IFNLR1: variants seen among roughly 807,000 people sequenced by gnomAD.
IFNLR1 encodes the protein interferon lambda receptor 1.
IFNLR1 carries 28 observed loss-of-function variants against 52.5 expected under a neutral mutation model. The ratio of observed to expected loss-of-function variants is 0.53; its 90% confidence interval spans 0.40 to 0.73. The LOEUF is 0.73. IFNLR1 is among the 30% of genes least tolerant of loss of function. The pLI is 0.00. For synonymous variants in IFNLR1, 276 were observed against 274.9 expected (o/e 1.00, Z -0.04); for missense variants, 623 against 659.1 (o/e 0.95, Z 0.60).
rs755178790 is a variant in IFNLR1, at chr1:24,157,653, G to A, written c.1040C>T (p.Pro347Leu). ...CTGGTGCTCTTGCCCCAGGAAAGAA[G>A]GTGGTTCAATGTAGGGCTGGAAGCT... ...GVSFQPYIEP[P>L]SFLGQEHQAP... The change falls in exon 7 of 7, where the codon CCT becomes CTT. Residue 347 changes from proline (P) to leucine (L), a missense_variant. Coordinates refer to ENST00000327535, the MANE Select transcript of IFNLR1 (RefSeq NM_170743.4). This position sits in a 1 kb window ranked among gnomAD's most constrained non-coding sequence, Gnocchi z 5.1. 6 of 1,609,884 alleles carry A rather than the reference G, an allele frequency of 3.7e-6. No homozygotes were observed. Among genetic ancestry groups the A allele is most frequent in the Non-Finnish European group, 5.1e-6 (6 of 1,177,960 alleles).
rs1327882136 is a variant in IFNLR1, at chr1:24,169,410, G to C, written c.367+7C>G. 1 of 1,612,392 alleles carries C rather than the reference G, an allele frequency of 6.2e-7. No homozygotes were observed. Among genetic ancestry groups the C allele is most frequent in the Non-Finnish European group, 8.5e-7 (1 of 1,179,004 alleles). On this transcript the variant is annotated splice_region_variant and intron_variant, in intron 3 of 6. Coordinates refer to ENST00000327535, the MANE Select transcript of IFNLR1 (RefSeq NM_170743.4). ...CCTTCCACTCAGTCCCTTACCCACA[G>C]ACCTACCTTCAAAAAGGTAATCCAG...
Position 24,162,778 on chromosome 1 carries a change from TTTTC to T in IFNLR1, c.368-1098_368-1095del, listed in dbSNP as rs1218853054. Among the ~76,000 whole-genome samples the T allele has an allele frequency of 7.5e-3, 255 of 33,986 alleles. 12 individuals are homozygous for T. The highest frequency in any genetic ancestry group is 0.014 in the Admixed American group (43 of 3,018). The allele number at this position is 33,986 out of a possible 152,430, so 22.3% of individuals were successfully genotyped here. A position where few individuals can be genotyped will look rare whatever the true frequency, so the allele number is the denominator to read the frequency against. On this transcript the variant is annotated intron_variant, in intron 3 of 6. Coordinates refer to ENST00000327535, the MANE Select transcript of IFNLR1 (RefSeq NM_170743.4). ...TTTCTTTCTTTCTTTCTTTCTTTCT[TTTTC>T]TTTCTTTTTCTTTCTTTCTTTTTTC...
At position 24,159,071 on chromosome 1, in the gene IFNLR1, G is replaced by C; in HGVS notation, c.782C>G (p.Ala261Gly). The change falls in exon 6 of 7, where the codon GCA becomes GGA. Residue 261 changes from alanine (A) to glycine (G), a missense_variant. By Grantham distance (60) the Ala-to-Gly change is moderately conservative. Transcript: ENST00000327535. ...CTATACCAGGGCCCGTGGCATCTTTGCCCGCTGAAACCAGGGGTTCCCCAT... is the reference window on the plus strand; with the variant it reads ...CTATACCAGGGCCCGTGGCATCTTTCCCCGCTGAAACCAGGGGTTCCCCAT... ...TLMGNPWFQR[A>G]KMPRALDFSG... is the part of the protein sequence containing the mutation. The C allele has an allele frequency of 6.2e-7, 1 of 1,614,024 alleles. No individual in the cohort carries two copies. Among genetic ancestry groups the C allele is most frequent in the Non-Finnish European group, 8.5e-7 (1 of 1,180,010 alleles).
chr1:24,159,764 G>A, intron 4 of IFNLR1, 131 bp from the exon 5 acceptor site: 1 of 650,998 alleles, frequency 1.5e-6, no homozygotes, highest in Non-Finnish European at 2.3e-6. Flanking sequence ...TTTTGTAGGG[G>A]ATAGGGTTTG....
rs974020339 is a variant in IFNLR1 at position 24,187,286 on chromosome 1, C to CCCCGCCT, written c.-39_-38insAGGCGGG. On this transcript the variant is annotated 5_prime_UTR_variant, in exon 1 of 7. Transcript: ENST00000327535. ...GCGGCGTCCCCGCCCGGGCCCAGGT[C>CCCCGCCT]CCCGCCTCCCGCCTCCCGCCTCCCG... The CCCCGCCT allele has an allele frequency of 6.9e-5, 85 of 1,225,126 alleles. No homozygotes were observed. Among genetic ancestry groups the CCCCGCCT allele is most frequent in the East Asian group, 6.7e-4 (21 of 31,372 alleles). 75.9% of individuals were successfully genotyped at this position (1,225,126 alleles called of 1,614,324 possible).
rs560647135 is a variant in IFNLR1, at chr1:24,179,682, T to C, written c.182+1049A>G. ...CCTCTGAGCTCAATCCCCTCACCTC[T>C]AGAATGGGGAAAACACAGAGCCTGC... On this transcript the variant is annotated intron_variant, in intron 2 of 6. Coordinates refer to ENST00000327535, the MANE Select transcript of IFNLR1 (RefSeq NM_170743.4). Among the ~76,000 whole-genome samples, 14 of 152,226 alleles carry C rather than the reference T, an allele frequency of 9.2e-5. No homozygotes were observed. In the South Asian group the frequency reaches 1.2e-3, roughly 14 times the overall value.
chr1:24,157,499 C>T lies in IFNLR1; in HGVS notation c.1194G>A (p.Trp398Ter), dbSNP rs1644394274. The change falls in exon 7 of 7, where the codon TGG (tryptophan) becomes TGA (stop). Residue 398 changes from tryptophan to a stop codon, truncating the protein, a stop_gained. Transcript: ENST00000327535. LOFTEE classifies it high-confidence loss of function. The surrounding 1 kb of genome is among the most constrained non-coding windows in gnomAD (Gnocchi z 5.1). ...AATAGCCAGAGGACCCAGCCCTGTC[C>T]CAGGAGGAGTCCACAGTGCTGGCCC... ...RSWASTVDSS[W>*]DRAGSSGYLA... The T allele has an allele frequency of 1.2e-6, 2 of 1,612,554 alleles. No individual in the cohort carries two copies. Among genetic ancestry groups the T allele is most frequent in the East Asian group, 2.2e-5 (1 of 44,874 alleles).
chr1:24,162,770 TTCTTTCTTTTTC>T (rs1557643883), intron 3 of IFNLR1, among the ~76,000 whole-genome samples: 4 of 41,886 alleles, frequency 9.5e-5, no homozygotes, highest in Non-Finnish European at 1.9e-4. Flanking sequence ...CTTTCTTTCT[TTCTTTCTTTTTC>T]TTTCTTTTTC....
chr1:24,182,336 G>T (rs1455492533), intron 1 of IFNLR1, among the ~76,000 whole-genome samples: 2 of 152,132 alleles, frequency 1.3e-5, no homozygotes, highest in Middle Eastern at 3.2e-3. Flanking sequence ...GCGATCAAAA[G>T]CCCTTGTCCC....
rs541291619 is a variant in IFNLR1, at chr1:24,162,961, T to C, written c.368-1277A>G. Among the ~76,000 whole-genome samples the C allele has an allele frequency of 1.7e-4, 19 of 113,526 alleles. 1 individual carries two copies. Among genetic ancestry groups the C allele is most frequent in the African/African-American group, 6.4e-4 (19 of 29,856 alleles). The allele number at this position is 113,526 out of a possible 152,430, so 74.5% of individuals were successfully genotyped here. On this transcript the variant is annotated intron_variant, in intron 3 of 6. Coordinates refer to ENST00000327535, the MANE Select transcript of IFNLR1 (RefSeq NM_170743.4). ...TTCTCTTTCTTTCTTCTTTCTTTCCTCTTTTTTTTTTTTTTTTGAGACAGA... is the reference window on the plus strand; with the variant it reads ...TTCTCTTTCTTTCTTCTTTCTTTCCCCTTTTTTTTTTTTTTTTGAGACAGA...
chr1:24,174,130 G>C (rs1644608992), intron 2 of IFNLR1, among the ~76,000 whole-genome samples: 1 of 152,190 alleles, frequency 6.6e-6, no homozygotes, highest in Admixed American at 6.5e-5. Flanking sequence ...AGAGATACCA[G>C]AGTGAACACA....
chr1:24,168,301 G>A (rs1443755567), intron 3 of IFNLR1, among the ~76,000 whole-genome samples: 3 of 151,790 alleles, frequency 2.0e-5, no homozygotes, highest in Non-Finnish European at 4.4e-5. Context: ...CCTGCAATCA[G>A]TCTGTCCCTC....
intron 1 of IFNLR1, among the ~76,000 whole-genome samples, chr1:24,185,555 C>T (rs908395237): frequency 6.6e-5 from 10 of 152,200 alleles, no homozygotes; most frequent in African/African-American, 2.4e-4. Context: ...GGCTGCCTAC[C>T]CATCACCTTC....
chr1:24,183,272 T>C (rs1644709027), intron 1 of IFNLR1, among the ~76,000 whole-genome samples: 1 of 151,720 alleles, frequency 6.6e-6, no homozygotes, highest in Admixed American at 6.6e-5. Flanking sequence ...AGAAAACACC[T>C]CATACTATTA....
At position 24,180,789 on chromosome 1, in the gene IFNLR1, T is replaced by C; in HGVS notation, c.124A>G (p.Thr42Ala). 1.2e-6 allele frequency: 2 copies of C among 1,613,600 alleles called. No individual in the cohort carries two copies. Among genetic ancestry groups the C allele is most frequent in the Admixed American group, 1.7e-5 (1 of 59,982 alleles). ...LLSQNFSVYL[T>A]WLPGLGNPQD... ...GGGTTGCCAAGCCCTGGGAGCCATG[T>C]CAGGTACACGCTGAAGTTCTGGGAG... is the stretch of plus-strand genomic sequence containing the variant. The change falls in exon 2 of 7, where the codon ACA becomes GCA. Residue 42 changes from threonine to alanine, a missense_variant. Coordinates refer to ENST00000327535, the MANE Select transcript of IFNLR1 (RefSeq NM_170743.4).
At position 24,173,188 on chromosome 1, in the gene IFNLR1, GA is replaced by G. The variant is rs550811845; in HGVS notation, c.183-3588del. Among the ~76,000 whole-genome samples, 20 of 148,322 alleles carry G rather than the reference GA, an allele frequency of 1.3e-4. No homozygotes were observed. The East Asian group carries it at 2.7e-3, about 20-fold the overall frequency. ...GAAAATGAAAAGGCCAGCCACTGGG[GA>G]AAAAAATCACAATACATACACTGAT... On this transcript the variant is annotated intron_variant, in intron 2 of 6. Coordinates refer to ENST00000327535, the MANE Select transcript of IFNLR1 (RefSeq NM_170743.4).
chr1:24,162,358 A>C (rs1644453449), intron 3 of IFNLR1, among the ~76,000 whole-genome samples: 1 of 152,054 alleles, frequency 6.6e-6, no homozygotes, highest in Non-Finnish European at 1.5e-5. Flanking sequence ...TATGCTTCAA[A>C]TCTCTCTGAC....
chr1:24,167,556 TG>T (rs1249995567), intron 3 of IFNLR1, among the ~76,000 whole-genome samples: 2 of 152,014 alleles, frequency 1.3e-5, no homozygotes, highest in Non-Finnish European at 2.9e-5. Flanking sequence ...GGGTAACTTT[TG>T]TATTTTTAGT....
intron 3 of IFNLR1, among the ~76,000 whole-genome samples, chr1:24,167,989 G>A (rs79165353): frequency 0.091 from 13,852 of 152,022 alleles, 732 homozygotes; most frequent in South Asian, 0.17. Flanking sequence ...GAGCCACCGC[G>A]CCCGGCTGGC....
Sources: allele counts gnomAD v4.1 joint callset (sites outside exome capture counted in the v4.1 genomes callset), GRCh38; gene constraint gnomAD v4.1.1; non-coding constraint Gnocchi (gnomAD v3.1); transcripts MANE v1.5; gene names NCBI Gene and HGNC (gene_info 2026-07-23, HGNC 2026-07-21).